Variants in ATP2B2 observed in about 807,000 individuals in gnomAD.
The protein encoded by ATP2B2 is ATPase plasma membrane Ca2+ transporting 2.
A neutral mutation model predicts 120.0 loss-of-function variants in ATP2B2; 15 were observed. The ratio of observed to expected loss-of-function variants is 0.12; its 90% CI spans 0.08 to 0.19. The LOEUF is 0.19. Ranked by LOEUF, ATP2B2 falls within the 10% of genes least tolerant of loss-of-function variation. The probability of loss-of-function intolerance (pLI) is 1.00; values close to 1 mark genes in which losing one functional copy is unlikely to be tolerated. For synonymous variants in ATP2B2, 694 were observed against 700.3 expected (o/e 0.99, Z 0.14); for missense variants, 1,045 against 1,719.8 (o/e 0.61, Z 6.94).
chr3:10,600,460 G>A (rs1166494887), intron 2 of ATP2B2, among the ~76,000 whole-genome samples: 2 of 152,186 alleles, frequency 1.3e-5, no homozygotes, highest in African/African-American at 2.4e-5. Flanking sequence ...TGAGGGTGAG[G>A]GCAGCTTGCT....
intron 2 of ATP2B2, among the ~76,000 whole-genome samples, chr3:10,612,615 T>A (rs186856209): frequency 2.0e-5 from 3 of 152,314 alleles, no homozygotes; most frequent in Admixed American, 2.0e-4. Context: ...CCCCATGGCT[T>A]TAAATACGAT....
chr3:10,644,977 T>C (rs1399384949), intron 1 of ATP2B2, among the ~76,000 whole-genome samples: 1 of 152,214 alleles, frequency 6.6e-6, no homozygotes, highest in Non-Finnish European at 1.5e-5. Context: ...ACTACAGTTA[T>C]ATAAGAGAAT....
Position 10,375,604 on chromosome 3 carries a change from G to A in ATP2B2, c.1242C>T (p.Leu414=). The change falls in exon 11 of 23, where the codon CTC becomes CTT. Residue 414 remains leucine, a synonymous_variant. Coordinates refer to ENST00000360273, the MANE Select transcript of ATP2B2 (RefSeq NM_001001331.4). The surrounding 1 kb of genome is among the most constrained non-coding windows in gnomAD (Gnocchi z 4.2). ...CCACGAAGGTGTCCACAGTGAAGTA[G>A]AGCACCAGGATGATCACCGTGATGG... ...MSAITVIILV[L]YFTVDTFVVN... The A allele has an allele frequency of 1.2e-6, 2 of 1,613,816 alleles. No homozygotes were observed. The highest frequency in any genetic ancestry group is 4.5e-5 in the East Asian group (2 of 44,888).
intron 2 of ATP2B2, chr3:10,534,218 G>T (rs902743794): frequency 1.3e-5 from 2 of 152,584 alleles, no homozygotes; most frequent in African/African-American, 4.8e-5. Flanking sequence ...AGGTAACCGT[G>T]GTGTGGAGTG....
intron 1 of ATP2B2, among the ~76,000 whole-genome samples, chr3:10,695,065 A>G (rs1359345277): frequency 6.6e-6 from 1 of 152,096 alleles, no homozygotes; most frequent in East Asian, 1.9e-4. Flanking sequence ...TAGAAATGAC[A>G]CTGCTGTATG....
chr3:10,588,237 G>A (rs2068559709), intron 2 of ATP2B2, among the ~76,000 whole-genome samples: 1 of 152,208 alleles, frequency 6.6e-6, no homozygotes, highest in Non-Finnish European at 1.5e-5. Flanking sequence ...GATGCCAGCA[G>A]CACCTCTCTA....
intron 1 of ATP2B2, among the ~76,000 whole-genome samples, chr3:10,620,968 A>G (rs183384049): frequency 1.1e-4 from 16 of 152,122 alleles, no homozygotes; most frequent in African/African-American, 3.6e-4. Flanking sequence ...TCAGCCCCCA[A>G]TCCAGGGCTA....
At chr3:10,467,142 C>T (rs915105273) in intron 1 of ATP2B2, among the ~76,000 whole-genome samples, 10 of 152,228 alleles carry the variant, frequency 6.6e-5, no homozygotes, top group South Asian at 2.1e-4. Context: ...GGAGGGGCCT[C>T]TCTGGTCATG....
chr3:10,327,158 G>C lies in ATP2B2; in HGVS notation c.*1656C>G, dbSNP rs2059871790. 4.0e-6 allele frequency: 1 copy of C among 250,064 alleles called. No individual in the cohort carries two copies. The highest frequency in any genetic ancestry group is 1.8e-4 in the South Asian group (1 of 5,706). 15.5% of individuals were successfully genotyped at this position (250,064 alleles called of 1,614,324 possible). A position where few individuals can be genotyped will look rare whatever the true frequency, so the allele number is the denominator to read the frequency against. The stretch of plus-strand genomic sequence containing the variant: ...GCTGAGACCCACAAAGTGCTTAGCA[G>C]TTAAGAGGCTGACATCCAATTAAAT... On this transcript the variant is annotated 3_prime_UTR_variant, in exon 23 of 23. Transcript: ENST00000360273.
At chr3:10,403,404 G>C (rs569714060) in intron 3 of ATP2B2, among the ~76,000 whole-genome samples, 2 of 152,344 alleles carry the variant, frequency 1.3e-5, no homozygotes, top group East Asian at 1.9e-4. Flanking sequence ...GGCCCACGGG[G>C]TGAACAGAAA....
At chr3:10,444,433 C>T (rs775632555) in intron 2 of ATP2B2, among the ~76,000 whole-genome samples, 1 of 152,232 alleles carries the variant, frequency 6.6e-6, no homozygotes, top group Non-Finnish European at 1.5e-5. Flanking sequence ...ATCATATTCA[C>T]GTGCAGCACA....
chr3:10,693,805 A>G (rs996412889), intron 1 of ATP2B2, among the ~76,000 whole-genome samples: 21 of 152,324 alleles, frequency 1.4e-4, no homozygotes, highest in African/African-American at 5.1e-4. Context: ...CATAGTAGGA[A>G]GCCAATAGAT....
At chr3:10,451,301 G>A (rs775032863) in intron 1 of ATP2B2, among the ~76,000 whole-genome samples, 8 of 152,182 alleles carry the variant, frequency 5.3e-5, no homozygotes, top group Non-Finnish European at 1.0e-4. Flanking sequence ...CCAGGCAGCC[G>A]CTAAGAACAC....
At chr3:10,689,830 A>G (rs763757630) in intron 1 of ATP2B2, among the ~76,000 whole-genome samples, 39 of 152,230 alleles carry the variant, frequency 2.6e-4, no homozygotes, top group Non-Finnish European at 4.1e-4. Context: ...CAATCCAAGC[A>G]TTGCTGCGCA....
intron 1 of ATP2B2, among the ~76,000 whole-genome samples, chr3:10,682,331 G>A (rs558524953): frequency 4.6e-5 from 7 of 152,276 alleles, no homozygotes; most frequent in Admixed American, 3.9e-4. Flanking sequence ...ATTAAAACCT[G>A]AGAAAGGAAG....
chr3:10,678,179 C>T (rs2071290636), intron 1 of ATP2B2, among the ~76,000 whole-genome samples: 1 of 152,148 alleles, frequency 6.6e-6, no homozygotes, highest in African/African-American at 2.4e-5. Flanking sequence ...TTATTTTGCT[C>T]ACTGGTATTC....
chr3:10,402,005 G>T lies in ATP2B2; in HGVS notation c.655+86C>A. ...CCTTCAGGAATGCATCCCCTTCCTT[G>T]AGCCAATCTCTTTGCATCAGCCTGG... On this transcript the variant is annotated intron_variant, in intron 4 of 22. Coordinates refer to ENST00000360273, the MANE Select transcript of ATP2B2 (RefSeq NM_001001331.4). The surrounding 1 kb of genome is among the most constrained non-coding windows in gnomAD (Gnocchi z 4.9). The T allele has an allele frequency of 6.3e-7, 1 of 1,596,136 alleles. No homozygotes were observed. The highest frequency in any genetic ancestry group is 2.2e-5 in the East Asian group (1 of 44,824).
chr3:10,399,026 G>A (rs2062134193), intron 5 of ATP2B2, among the ~76,000 whole-genome samples: 1 of 152,160 alleles, frequency 6.6e-6, no homozygotes, highest in South Asian at 2.1e-4. Context: ...GGTTTGTGAT[G>A]CTGTCAGGCC....
intron 1 of ATP2B2, among the ~76,000 whole-genome samples, chr3:10,456,286 G>A (rs2064256763): frequency 6.6e-6 from 1 of 152,202 alleles, no homozygotes; most frequent in Non-Finnish European, 1.5e-5. Context: ...TCTGTTTTAA[G>A]ACATGCTGAA....
Sources: allele counts gnomAD v4.1 joint callset (sites outside exome capture counted in the v4.1 genomes callset), GRCh38; gene constraint gnomAD v4.1.1; non-coding constraint Gnocchi (gnomAD v3.1); transcripts MANE v1.5; gene names NCBI Gene and HGNC (gene_info 2026-07-23, HGNC 2026-07-21).